The following RAD51B variants were observed in gnomAD, a reference collection of about 807,000 sequenced individuals.
The protein encoded by RAD51B is DNA repair protein RAD51 homolog 2.
RAD51B carries 38 observed loss-of-function variants against 42.2 expected under a neutral mutation model. The observed-to-expected ratio is 0.90, with a 90% confidence interval of 0.70 to 1.18. RAD51B has a LOEUF of 1.18. RAD51B is among the 50% of genes most tolerant of loss of function. The probability of loss-of-function intolerance (pLI) is 0.00; values close to 1 mark genes in which losing one functional copy is unlikely to be tolerated. For synonymous variants in RAD51B, 154 were observed against 145.2 expected, an observed-to-expected ratio of 1.06 and a Z score of -0.43; for missense variants, 373 against 400.7, an observed-to-expected ratio of 0.93 and a Z score of 0.59.
intron 10 of RAD51B, among the ~76,000 whole-genome samples, chr14:68,560,605 G>A (rs1210343607): frequency 6.6e-6 from 1 of 152,150 alleles, no homozygotes; most frequent in Non-Finnish European, 1.5e-5. Flanking sequence ...GCATGGTGGT[G>A]AGCGCCTGTA....
intron 7 of RAD51B, among the ~76,000 whole-genome samples, chr14:68,204,028 A>C (rs138049803): frequency 2.6e-5 from 4 of 152,302 alleles, no homozygotes; most frequent in African/African-American, 9.6e-5. Context: ...TTGCCTTCTT[A>C]TCATTCATGT....
intron 7 of RAD51B, among the ~76,000 whole-genome samples, chr14:67,922,060 G>A (rs1452652006): frequency 6.6e-6 from 1 of 152,228 alleles, no homozygotes; most frequent in Non-Finnish European, 1.5e-5. Context: ...CAAGCGTCCA[G>A]CTTTGGATCA....
intron 7 of RAD51B, among the ~76,000 whole-genome samples, chr14:68,272,712 GTCTC>G (rs1317210896): frequency 1.7e-5 from 1 of 57,312 alleles, no homozygotes; most frequent in Non-Finnish European, 3.3e-5. Flanking sequence ...TTGAGATGGA[GTCTC>G]TCTCTGTCAC....
intron 7 of RAD51B, among the ~76,000 whole-genome samples, chr14:68,093,647 A>C (rs2140525342): frequency 6.6e-6 from 1 of 152,140 alleles, no homozygotes; most frequent in African/African-American, 2.4e-5. Context: ...TTTTCAAAAA[A>C]CCAGCTCCTG....
At chr14:68,589,316 C>A (rs1890632884) in intron 10 of RAD51B, among the ~76,000 whole-genome samples, 3 of 152,186 alleles carry the variant, frequency 2.0e-5, no homozygotes, top group Admixed American at 1.3e-4. Context: ...GTGAGCATAG[C>A]CACCCATTCC....
chr14:68,400,592 G>A (rs1224713761), intron 8 of RAD51B, among the ~76,000 whole-genome samples: 1 of 152,178 alleles, frequency 6.6e-6, no homozygotes, highest in Non-Finnish European at 1.5e-5. Flanking sequence ...GAGCAGGAAA[G>A]CAAAGCTCAT....
At chr14:68,499,826 G>A (rs1471227072) in intron 10 of RAD51B, among the ~76,000 whole-genome samples, 2 of 152,222 alleles carry the variant, frequency 1.3e-5, no homozygotes, top group East Asian at 3.8e-4. Context: ...TTCAGAGGGA[G>A]CCTGGCCCTG....
chr14:68,456,295 T>G (rs10133813), intron 9 of RAD51B, among the ~76,000 whole-genome samples: 32,187 of 152,116 alleles, frequency 0.21, 3,967 homozygotes, highest in East Asian at 0.51. Context: ...ATTGACAGAA[T>G]AATTTTTTTT....
At chr14:67,886,427 A>G (rs896008815) in intron 6 of RAD51B, among the ~76,000 whole-genome samples, 2 of 152,100 alleles carry the variant, frequency 1.3e-5, no homozygotes, top group Non-Finnish European at 2.9e-5. Context: ...CCTGCTTCCA[A>G]GCTCCCTAAT....
At chr14:68,431,122 G>A (rs941109916) in intron 9 of RAD51B, among the ~76,000 whole-genome samples, 1 of 152,152 alleles carries the variant, frequency 6.6e-6, no homozygotes, top group Non-Finnish European at 1.5e-5. Context: ...TGGTGGATAA[G>A]CTTTTTGATG....
At chr14:68,670,620 G>A (rs1893136070) in intron 11 of RAD51B, among the ~76,000 whole-genome samples, 1 of 152,150 alleles carries the variant, frequency 6.6e-6, no homozygotes. Flanking sequence ...CTGTCTCATT[G>A]CACAGCCCTT....
intron 3 of RAD51B, among the ~76,000 whole-genome samples, chr14:67,826,150 G>A (rs2140280064): frequency 6.6e-6 from 1 of 152,202 alleles, no homozygotes; most frequent in Admixed American, 6.5e-5. Context: ...AGTTCAAAAG[G>A]TCATCTTTCT....
chr14:68,515,372 CA>C (rs760885320), intron 10 of RAD51B, among the ~76,000 whole-genome samples: 1 of 150,090 alleles, frequency 6.7e-6, no homozygotes, highest in Non-Finnish European at 1.5e-5. Flanking sequence ...AGCAACGGGA[CA>C]AAGATAGACA....
chr14:68,541,665 G>A, intron 10 of RAD51B: 1 of 985,444 alleles, frequency 1.0e-6, no homozygotes, highest in South Asian at 4.7e-5. Context: ...ATCCTTTGGG[G>A]CCTTGTTTGG....
intron 7 of RAD51B, among the ~76,000 whole-genome samples, chr14:68,285,587 G>A (rs1042490101): frequency 1.5e-4 from 23 of 152,222 alleles, no homozygotes; most frequent in Admixed American, 7.2e-4. Context: ...GTATCAGGAC[G>A]GACTATCACT....
chr14:67,821,044 A>G (rs1389400996), intron 1 of RAD51B, among the ~76,000 whole-genome samples: 1 of 152,198 alleles, frequency 6.6e-6, no homozygotes, highest in Non-Finnish European at 1.5e-5. Flanking sequence ...TCCCATGGGA[A>G]GTGTTAAAGG....
chr14:68,319,982 G>A (rs1229295342), intron 8 of RAD51B, among the ~76,000 whole-genome samples: 1 of 152,130 alleles, frequency 6.6e-6, no homozygotes, highest in Non-Finnish European at 1.5e-5. Flanking sequence ...GTAACTTTCT[G>A]CAGGTCACAG....
intron 8 of RAD51B, among the ~76,000 whole-genome samples, chr14:68,331,107 T>C (rs921157460): frequency 1.3e-5 from 2 of 152,034 alleles, no homozygotes; most frequent in Non-Finnish European, 2.9e-5. Context: ...CTCACGCCTG[T>C]AATCCCAGCA....
intron 7 of RAD51B, among the ~76,000 whole-genome samples, chr14:68,127,736 G>C (rs770005869): frequency 2.8e-4 from 42 of 151,912 alleles, no homozygotes; most frequent in Non-Finnish European, 5.1e-4. Flanking sequence ...ATATCATCAT[G>C]ATAGGAAGGA....
Sources: gnomAD v4.1 joint callset for allele counts (sites outside exome capture counted in the v4.1 genomes callset) on GRCh38, gnomAD v4.1.1 for gene constraint, MANE v1.5 for transcripts, NCBI Gene and HGNC (gene_info 2026-07-23, HGNC 2026-07-21) for gene names.